GDF9: variants seen among roughly 807,000 people sequenced by gnomAD.
The protein encoded by GDF9 is growth differentiation factor 9, also known as growth/differentiation factor 9.
In GDF9, 30 loss-of-function variants were observed where a neutral mutation model predicts 33.8. That is an observed-to-expected ratio of 0.89 (90% CI 0.66 to 1.20). The LOEUF (loss-of-function observed/expected upper bound fraction) is 1.20, where lower values mean the gene tolerates loss of function less well. GDF9 is among the 50% of genes most tolerant of loss of function. GDF9 has a pLI of 0.00. For missense variants in GDF9, 556 were observed against 543.7 expected (o/e 1.02, Z -0.22); for synonymous variants, 205 against 200.7 (o/e 1.02, Z -0.18).
chr5:132,861,523 AAGGCACACAT>A lies in GDF9; in HGVS notation c.*56_*65del. The A allele has an allele frequency of 1.5e-6, 2 of 1,363,652 alleles. No individual in the cohort carries two copies. The highest frequency in any genetic ancestry group is 2.3e-5 in the South Asian group (2 of 85,322). 84.5% of individuals were successfully genotyped at this position (1,363,652 alleles called of 1,614,324 possible). On this transcript the variant is annotated 3_prime_UTR_variant, in exon 2 of 2. Coordinates refer to ENST00000687138, the MANE Select transcript of GDF9 (RefSeq NM_005260.7). ...ACTTAATATATGAAGCTTTCTCTTG[AAGGCACACAT>A]AGGCACACAGTAGTTACTTTGCCAA...
chr5:132,864,733 A>C lies in GDF9; in HGVS notation c.-200T>G. 1.7e-6 allele frequency: 1 copy of C among 583,966 alleles called. No homozygotes were observed. The allele number at this position is 583,966 out of a possible 1,614,324, so 36.2% of individuals were successfully genotyped here. On this transcript the variant is annotated 5_prime_UTR_variant, in exon 1 of 2. It adds an upstream start codon to the 5' untranslated region. Transcript: ENST00000687138. The stretch of plus-strand genomic sequence containing the variant: ...GCAGCTGATAACACCTTATTTAGCC[A>C]ATTTGTTAATTAGATACAGATTTAC...
chr5:132,863,667 C>A (rs67519234), intron 1 of GDF9, among the ~76,000 whole-genome samples: 15,545 of 152,062 alleles, frequency 0.1, 1,013 homozygotes, highest in South Asian at 0.2. Context: ...AGCACCACAC[C>A]CAACTGCTGA....
Position 132,864,179 on chromosome 5 carries a change from G to A in GDF9, c.355C>T (p.Pro119Ser). 1.9e-6 allele frequency: 3 copies of A among 1,614,162 alleles called. No individual in the cohort carries two copies. The highest frequency in any genetic ancestry group is 2.5e-6 in the Non-Finnish European group (3 of 1,180,028). Residue 119 changes from proline (P) to serine (S), a missense_variant, in exon 1 of 2, where the codon CCC becomes TCC. By Grantham distance (74) the Pro-to-Ser change is moderately conservative. Transcript: ENST00000687138. ...HLYNTVRLFT[P>S]CTRHKQAPGD... ...GGAGCCTGCTTGTGCCGGGTACAGG[G>A]GGTGAAGAGCCGAACAGTGTTGTAG...
chr5:132,862,479 G>A lies in GDF9; in HGVS notation c.475C>T (p.Leu159=). 1 of 1,613,164 alleles carries A rather than the reference G, an allele frequency of 6.2e-7. No homozygotes were observed. Among genetic ancestry groups the A allele is most frequent in the Non-Finnish European group, 8.5e-7 (1 of 1,179,398 alleles). The change falls in exon 2 of 2, where the codon CTG becomes TTG. Residue 159 remains leucine (L), a synonymous_variant. Coordinates refer to ENST00000687138, the MANE Select transcript of GDF9 (RefSeq NM_005260.7). The part of the protein sequence containing the change: ...TVEHLLKSVL[L]YNINNSVSFS... ...GAAACTGAGTTGTTGATATTGTACA[G>A]CAAGACTGACTTGAGTAAGTGTTCA...
chr5:132,861,714 C>T lies in GDF9; in HGVS notation c.1240G>A (p.Val414Met). The T allele has an allele frequency of 6.2e-7, 1 of 1,613,206 alleles. No individual in the cohort carries two copies. Among genetic ancestry groups the T allele is most frequent in the Non-Finnish European group, 8.5e-7 (1 of 1,179,114 alleles). Residue 414 changes from valine (V) to methionine (M), a missense_variant, in exon 2 of 2, where the codon GTG becomes ATG. Physicochemically the swap from Val to Met is conservative, Grantham distance 21 (BLOSUM62 1). Coordinates refer to ENST00000687138, the MANE Select transcript of GDF9 (RefSeq NM_005260.7). ...NIIYEKLDSS[V>M]PRPSCVPAKY... ...GCAGGTACACATGACGGTCTTGGCA[C>T]TGAGGAGTCCAGCTTCTCATAGATG...
intron 1 of GDF9, among the ~76,000 whole-genome samples, chr5:132,863,247 TTAC>T (rs1450540847): frequency 6.6e-6 from 1 of 152,214 alleles, no homozygotes. Flanking sequence ...CTTATCAGAC[TTAC>T]TAAGATGACA....
chr5:132,862,138 A>G lies in GDF9; in HGVS notation c.816T>C (p.Ala272=). ...GGGAATACCAGCTGTGATAAGCCTG[A>G]GCACTTGTGTCATTCAAATATAAGA... ...SLILYLNDTS[A]QAYHSWYSLH... Residue 272 remains alanine (A), a synonymous_variant, in exon 2 of 2, where the codon GCT becomes GCC. Coordinates refer to ENST00000687138, the MANE Select transcript of GDF9 (RefSeq NM_005260.7). 1 of 1,613,134 alleles carries G rather than the reference A, an allele frequency of 6.2e-7. No individual in the cohort carries two copies. The highest frequency in any genetic ancestry group is 8.5e-7 in the Non-Finnish European group (1 of 1,179,040).
Position 132,864,762 on chromosome 5 carries a change from G to T in GDF9, c.-229C>A, listed in dbSNP as rs1467700493. 1 of 547,610 alleles carries T rather than the reference G, an allele frequency of 1.8e-6. No homozygotes were observed. Among genetic ancestry groups the T allele is most frequent in the East Asian group, 3.0e-5 (1 of 33,468 alleles). The allele number at this position is 547,610 out of a possible 1,614,324, so 33.9% of individuals were successfully genotyped here. A position where few individuals can be genotyped will look rare whatever the true frequency, so the allele number is the denominator to read the frequency against. ...TGTTAATTAGATACAGATTTACTTGGTTATTTAGCTTTCCTCTCTTTTCCC... is the reference window on the plus strand; with the variant it reads ...TGTTAATTAGATACAGATTTACTTGTTTATTTAGCTTTCCTCTCTTTTCCC... On this transcript the variant is annotated 5_prime_UTR_variant, in exon 1 of 2. Transcript: ENST00000687138.
At position 132,861,986 on chromosome 5, in the gene GDF9, G is replaced by C; in HGVS notation, c.968C>G (p.Thr323Ser). 6.8e-6 allele frequency: 11 copies of C among 1,614,062 alleles called. No homozygotes were observed. The highest frequency in any genetic ancestry group is 8.5e-6 in the Non-Finnish European group (10 of 1,179,916). ...GGGCTTCTTCAATTCAGAACTGACA[G>C]TTTCCTGACCTCTGCGGTGACGGTG... is the stretch of plus-strand genomic sequence containing the variant. ...SHHRHRRGQE[T>S]VSSELKKPLG... is the part of the protein sequence containing the mutation. The change falls in exon 2 of 2, where the codon ACT becomes AGT. Residue 323 changes from threonine (T) to serine (S), a missense_variant. Coordinates refer to ENST00000687138, the MANE Select transcript of GDF9 (RefSeq NM_005260.7).
rs1457300885 is a variant in GDF9, at chr5:132,865,325, A to C, written c.-792T>G. 1.3e-5 allele frequency: 2 copies of C among 152,242 alleles called. No individual in the cohort carries two copies. The highest frequency in any genetic ancestry group is 4.8e-5 in the African/African-American group (2 of 41,460). 9.4% of individuals were successfully genotyped at this position (152,242 alleles called of 1,614,324 possible). ...CTTTGGTCTGCACACTCATCTATACATATTTTGGTTGAAAGGTTTTGGGAT... is the reference window on the plus strand; with the variant it reads ...CTTTGGTCTGCACACTCATCTATACCTATTTTGGTTGAAAGGTTTTGGGAT... On this transcript the variant is annotated 5_prime_UTR_variant, in exon 1 of 2. It removes an upstream start codon present in the reference 5' UTR. Transcript: ENST00000687138.
At position 132,865,567 on chromosome 5, in the gene GDF9, G is replaced by A. The variant is rs1027736552; in HGVS notation, c.-1034C>T. The A allele has an allele frequency of 3.3e-5, 5 of 152,086 alleles. No individual in the cohort carries two copies. The highest frequency in any genetic ancestry group is 1.2e-4 in the African/African-American group (5 of 41,388). 9.4% of individuals were successfully genotyped at this position (152,086 alleles called of 1,614,324 possible). A position where few individuals can be genotyped will look rare whatever the true frequency, so the allele number is the denominator to read the frequency against. ...CGCCACCCCGAAGGAGACTATGCTG[G>A]AAGAGTCAGCCTACACTCATAGTGC... On this transcript the variant is annotated 5_prime_UTR_variant, in exon 1 of 2. Coordinates refer to ENST00000687138, the MANE Select transcript of GDF9 (RefSeq NM_005260.7).
chr5:132,861,720 A>T lies in GDF9; in HGVS notation c.1234T>A (p.Ser412Thr). ...ACACATGACGGTCTTGGCACTGAGG[A>T]GTCCAGCTTCTCATAGATGATGTTC... ...VQNIIYEKLD[S>T]SVPRPSCVPA... Residue 412 changes from serine (S) to threonine (T), a missense_variant, in exon 2 of 2, where the codon TCC becomes ACC. Ser to Thr is a moderately conservative substitution (Grantham distance 58). Transcript: ENST00000687138. The T allele has an allele frequency of 6.2e-7, 1 of 1,613,270 alleles. No individual in the cohort carries two copies.
chr5:132,863,197 C>T (rs1156508116), intron 1 of GDF9, among the ~76,000 whole-genome samples: 1 of 152,158 alleles, frequency 6.6e-6, no homozygotes, highest in Admixed American at 6.5e-5. Flanking sequence ...TAGTATTTTT[C>T]TCTTGGATAA....
chr5:132,864,424 C>A lies in GDF9; in HGVS notation c.110G>T (p.Ser37Ile). 6.2e-7 allele frequency: 1 copy of A among 1,613,814 alleles called. No individual in the cohort carries two copies. The highest frequency in any genetic ancestry group is 8.5e-7 in the Non-Finnish European group (1 of 1,179,860). ...ASGGEAQIAA[S>I]AELESGAMPW... ...CATAGCCCCAGATTCCAACTCAGCA[C>A]TAGCAGCAATCTGAGCTTCTCCCCC... Residue 37 changes from serine to isoleucine, a missense_variant, in exon 1 of 2, where the codon AGT becomes ATT. By Grantham distance (142) the Ser-to-Ile change is moderately radical. Coordinates refer to ENST00000687138, the MANE Select transcript of GDF9 (RefSeq NM_005260.7).
chr5:132,861,358 A>T lies in GDF9; in HGVS notation c.*231T>A. 1.9e-6 allele frequency: 1 copy of T among 515,108 alleles called. No individual in the cohort carries two copies. Among genetic ancestry groups the T allele is most frequent in the Non-Finnish European group, 3.5e-6 (1 of 289,272 alleles). 31.9% of individuals were successfully genotyped at this position (515,108 alleles called of 1,614,324 possible). ...GGAAAAAAATGTAAAGTTCTCCACA[A>T]TAATTATATTTCATTTAAATTTGGA... On this transcript the variant is annotated 3_prime_UTR_variant, in exon 2 of 2. Coordinates refer to ENST00000687138, the MANE Select transcript of GDF9 (RefSeq NM_005260.7).
At position 132,862,400 on chromosome 5, in the gene GDF9, G is replaced by T; in HGVS notation, c.554C>A (p.Ser185Tyr). The T allele has an allele frequency of 1.9e-6, 3 of 1,613,984 alleles. No homozygotes were observed. The highest frequency in any genetic ancestry group is 2.5e-6 in the Non-Finnish European group (3 of 1,179,828). ...VCNLMIKEPK[S>Y]SSRTLGRAPY... is the part of the protein sequence containing the mutation. ...AGCTCTGCCGAGAGTCCTGCTAGAA[G>T]ACTTTGGCTCCTTTATCATTAGATT... is the stretch of plus-strand genomic sequence containing the variant. The change falls in exon 2 of 2, where the codon TCT (serine) becomes TAT (tyrosine). Residue 185 changes from serine to tyrosine, a missense_variant. Coordinates refer to ENST00000687138, the MANE Select transcript of GDF9 (RefSeq NM_005260.7).
At position 132,862,097 on chromosome 5, in the gene GDF9, C is replaced by A; in HGVS notation, c.857G>T (p.Arg286Met). ...CTCCTGGTCAGGACCCTGGGAAGGC[C>A]TCCTTTTATAGTGAAGGGAATACCA... ...HSWYSLHYKR[R>M]PSQGPDQERS... The change falls in exon 2 of 2, where the codon AGG becomes ATG. Residue 286 changes from arginine (R) to methionine (M), a missense_variant. Coordinates refer to ENST00000687138, the MANE Select transcript of GDF9 (RefSeq NM_005260.7). 1 of 1,613,942 alleles carries A rather than the reference C, an allele frequency of 6.2e-7. No homozygotes were observed. The highest frequency in any genetic ancestry group is 8.5e-7 in the Non-Finnish European group (1 of 1,179,836).
In GDF9 at chr5:132,863,192, T is replaced by C. The variant is rs149859501; in HGVS notation, c.398-636A>G. On this transcript the variant is annotated intron_variant, in intron 1 of 1. Coordinates refer to ENST00000687138, the MANE Select transcript of GDF9 (RefSeq NM_005260.7). Reference sequence around the variant, plus strand: ...AGCTGAGCTGATAAGGAAAGTAGTATTTTTCTCTTGGATAATCTCTAGAGG... The same window carrying C: ...AGCTGAGCTGATAAGGAAAGTAGTACTTTTCTCTTGGATAATCTCTAGAGG... 2.0e-3 allele frequency among the ~76,000 whole-genome samples: 311 copies of C among 152,278 alleles called. 1 individual carries two copies. Among genetic ancestry groups the C allele is most frequent in the African/African-American group, 6.9e-3 (286 of 41,546 alleles).
intron 1 of GDF9, 106 bp from the exon 2 acceptor site, chr5:132,862,662 T>TC (rs1759350314): frequency 1.2e-6 from 1 of 855,376 alleles, no homozygotes; most frequent in Admixed American, 2.4e-5. Flanking sequence ...CCTTCTCTTT[T>TC]CCCCACTTTC....
Sources: allele counts gnomAD v4.1 joint callset (sites outside exome capture counted in the v4.1 genomes callset), GRCh38; gene constraint gnomAD v4.1.1; transcripts MANE v1.5; gene names NCBI Gene and HGNC (gene_info 2026-07-23, HGNC 2026-07-21).